ROBO2: variants seen among roughly 807,000 people sequenced by gnomAD.
The protein encoded by ROBO2 is roundabout homolog 2.
ROBO2 carries 53 observed loss-of-function variants against 160.8 expected under a neutral mutation model. That is an observed-to-expected ratio of 0.33 (90% CI 0.26 to 0.41). The LOEUF (loss-of-function observed/expected upper bound fraction) is 0.41. ROBO2 is among the 10% of genes least tolerant of loss of function. The pLI, the probability that ROBO2 is intolerant of heterozygous loss-of-function variation, is 1.00. For synonymous variants in ROBO2, 664 were observed against 611.7 expected (o/e 1.09, Z -1.26); for missense variants, 1,577 against 1,722.4 (o/e 0.92, Z 1.49).
intron 2 of ROBO2, among the ~76,000 whole-genome samples, chr3:75,938,617 G>C (rs1849435): frequency 0.029 from 4,482 of 152,096 alleles, 216 homozygotes; most frequent in African/African-American, 0.1. Context: ...ATGAAGTTGA[G>C]CTTTGCTAGT....
At chr3:77,395,474 C>G (rs916676264) in intron 2 of ROBO2, among the ~76,000 whole-genome samples, 6 of 152,082 alleles carry the variant, frequency 3.9e-5, no homozygotes, top group African/African-American at 1.4e-4. Flanking sequence ...ACCAATTCAG[C>G]TTTTAAATTC....
intron 3 of ROBO2, among the ~76,000 whole-genome samples, chr3:77,478,239 A>G (rs935596838): frequency 3.3e-5 from 5 of 152,186 alleles, no homozygotes; most frequent in Admixed American, 6.5e-5. Context: ...ATTTTGCACC[A>G]TTTTCAAAAA....
chr3:77,004,694 C>T (rs992254591), intron 2 of ROBO2, among the ~76,000 whole-genome samples: 3 of 152,284 alleles, frequency 2.0e-5, no homozygotes, highest in African/African-American at 7.2e-5. Flanking sequence ...AGGCATTTCG[C>T]TTTCAGTAAA....
chr3:76,770,472 C>A (rs771816607), intron 2 of ROBO2, among the ~76,000 whole-genome samples: 1 of 151,032 alleles, frequency 6.6e-6, no homozygotes, highest in Non-Finnish European at 1.5e-5. Context: ...AATAGATTTC[C>A]TGTGGTTTTA....
chr3:76,166,752 C>G (rs2072854170), intron 2 of ROBO2, among the ~76,000 whole-genome samples: 1 of 152,070 alleles, frequency 6.6e-6, no homozygotes, highest in Non-Finnish European at 1.5e-5. Flanking sequence ...ATTTTTGACT[C>G]TTGTTTTAAG....
intron 2 of ROBO2, among the ~76,000 whole-genome samples, chr3:76,278,593 G>A (rs1708064256): frequency 1.3e-5 from 2 of 152,052 alleles, no homozygotes; most frequent in African/African-American, 2.4e-5. Context: ...AAACATACAA[G>A]TTTGTCCCGG....
intron 2 of ROBO2, among the ~76,000 whole-genome samples, chr3:76,185,933 C>G (rs1477808723): frequency 1.4e-5 from 1 of 73,230 alleles, no homozygotes. Context: ...AAAGGAAACA[C>G]AGATTTTTTT....
chr3:76,831,713 A>G (rs1576913950), intron 2 of ROBO2, among the ~76,000 whole-genome samples: 1 of 152,330 alleles, frequency 6.6e-6, no homozygotes, highest in East Asian at 1.9e-4. Flanking sequence ...AAGACAAACT[A>G]TTGTTAGGAT....
intron 16 of ROBO2, among the ~76,000 whole-genome samples, chr3:77,582,195 A>C (rs1049189873): frequency 4.6e-5 from 7 of 152,124 alleles, no homozygotes; most frequent in East Asian, 1.9e-4. Context: ...TCTGTCTCCA[A>C]GGTTCAAGAG....
chr3:77,304,238 A>G (rs1412321523), intron 2 of ROBO2, among the ~76,000 whole-genome samples: 1 of 152,198 alleles, frequency 6.6e-6, no homozygotes. Flanking sequence ...TTTGAAGCAC[A>G]AAGAACCCCT....
intron 18 of ROBO2, among the ~76,000 whole-genome samples, chr3:77,595,723 C>G (rs2094287537): frequency 6.6e-6 from 1 of 152,096 alleles, no homozygotes; most frequent in Non-Finnish European, 1.5e-5. Context: ...TAATAACTTC[C>G]AATCTCCCAT....
intron 2 of ROBO2, among the ~76,000 whole-genome samples, chr3:76,237,495 A>C (rs1164996033): frequency 1.3e-5 from 2 of 152,190 alleles, no homozygotes; most frequent in Non-Finnish European, 2.9e-5. Context: ...AATGTTTGCC[A>C]TGTCAAATAG....
chr3:76,061,622 C>G (rs1014371508), intron 2 of ROBO2, among the ~76,000 whole-genome samples: 2 of 152,130 alleles, frequency 1.3e-5, no homozygotes, highest in Non-Finnish European at 2.9e-5. Flanking sequence ...TGATATACAG[C>G]TGGAAGCACC....
intron 2 of ROBO2, among the ~76,000 whole-genome samples, chr3:76,411,695 T>C (rs2108839173): frequency 6.6e-6 from 1 of 152,306 alleles, no homozygotes; most frequent in Admixed American, 6.5e-5. Context: ...TTCTGATCCA[T>C]ATTCAGGTAG....
chr3:76,190,433 G>C (rs1701954820), intron 2 of ROBO2, among the ~76,000 whole-genome samples: 2 of 152,006 alleles, frequency 1.3e-5, no homozygotes, highest in South Asian at 4.1e-4. Flanking sequence ...TTAATAGCTG[G>C]CACTGAGGCT....
At chr3:76,230,425 C>T (rs752252212) in intron 2 of ROBO2, among the ~76,000 whole-genome samples, 4 of 152,112 alleles carry the variant, frequency 2.6e-5, no homozygotes, top group Admixed American at 2.0e-4. Flanking sequence ...TTAACAACTG[C>T]TTCAGTCTTG....
intron 2 of ROBO2, among the ~76,000 whole-genome samples, chr3:77,331,759 A>G (rs1363690889): frequency 6.6e-6 from 1 of 152,092 alleles, no homozygotes; most frequent in Non-Finnish European, 1.5e-5. Context: ...GCTGGAGTGC[A>G]GTGGCGCGAT....
intron 18 of ROBO2, 91 bp from the exon 20 acceptor site, chr3:77,596,532 T>C (rs945242206): frequency 6.7e-6 from 10 of 1,501,166 alleles, no homozygotes; most frequent in Non-Finnish European, 8.3e-6. Context: ...ATGAAAATCT[T>C]CCATTTCTTA....
At chr3:77,413,246 G>GA (rs556395888) in intron 2 of ROBO2, among the ~76,000 whole-genome samples, 14 of 149,924 alleles carry the variant, frequency 9.3e-5, no homozygotes, top group South Asian at 2.1e-4. Flanking sequence ...GGGTAAAAAA[G>GA]AAAAAAAAAG....
Sources: gnomAD v4.1 joint callset for allele counts (sites outside exome capture counted in the v4.1 genomes callset) on GRCh38, gnomAD v4.1.1 for gene constraint, MANE v1.5 for transcripts, NCBI Gene and HGNC (gene_info 2026-07-23, HGNC 2026-07-21) for gene names.